Variants in RBFOX1 observed in about 807,000 individuals in gnomAD.
The protein encoded by RBFOX1 is RNA binding fox-1 homolog 1, also known as RNA binding protein fox-1 homolog 1.
In RBFOX1, 8 loss-of-function variants were observed where a neutral mutation model predicts 57.7. The ratio of observed to expected loss-of-function variants is 0.14; its 90% confidence interval spans 0.08 to 0.25. The LOEUF is 0.25. Among genes scored for constraint, RBFOX1 ranks in the 10% least tolerant of loss-of-function variants. The probability of loss-of-function intolerance (pLI) is 1.00; values close to 1 mark genes in which losing one functional copy is unlikely to be tolerated. For synonymous variants in RBFOX1, 326 were observed against 222.4 expected (o/e 1.47, Z -4.15); for missense variants, 611 against 548.5 (o/e 1.11, Z -1.14).
At chr16:5,796,187 A>G (rs547392685) in intron 3 of RBFOX1, among the ~76,000 whole-genome samples, 2 of 152,222 alleles carry the variant, frequency 1.3e-5, no homozygotes, top group African/African-American at 4.8e-5. Flanking sequence ...CCTGATGTCA[A>G]GTGGATCCAC....
At chr16:6,083,119 A>G (rs1484617800) in intron 1 of RBFOX1, among the ~76,000 whole-genome samples, 1 of 152,098 alleles carries the variant, frequency 6.6e-6, no homozygotes, top group African/African-American at 2.4e-5. Context: ...CTCCTGCCTC[A>G]GCGTCCTGAG....
intron 1 of RBFOX1, among the ~76,000 whole-genome samples, chr16:6,258,568 C>G (rs181177099): frequency 6.6e-6 from 1 of 152,328 alleles, no homozygotes; most frequent in African/African-American, 2.4e-5. Flanking sequence ...ATCAGATCAA[C>G]TCCAGGGCAG....
intron 14 of RBFOX1, among the ~76,000 whole-genome samples, chr16:7,697,533 A>G (rs187963696): frequency 1.3e-5 from 2 of 152,270 alleles, no homozygotes; most frequent in Admixed American, 1.3e-4. Context: ...GTATATGTAT[A>G]ATGCATGCAT....
intron 4 of RBFOX1, among the ~76,000 whole-genome samples, chr16:7,363,960 G>A (rs1469095673): frequency 2.0e-5 from 3 of 152,148 alleles, no homozygotes; most frequent in Non-Finnish European, 4.4e-5. Context: ...TTATGGTGAG[G>A]AAAAGAGGAC....
chr16:6,088,639 T>A (rs1473630978), intron 1 of RBFOX1, among the ~76,000 whole-genome samples: 1 of 152,160 alleles, frequency 6.6e-6, no homozygotes, highest in East Asian at 1.9e-4. Context: ...AATGCTTTCC[T>A]TCTGAGCACT....
intron 2 of RBFOX1, among the ~76,000 whole-genome samples, chr16:6,402,094 G>GAA (rs199794236): frequency 4.1e-5 from 4 of 98,408 alleles, no homozygotes; most frequent in South Asian, 3.1e-4. Flanking sequence ...GAAGAAAACA[G>GAA]AAAAAAAAAA....
At chr16:6,014,856 AT>A (rs35940035), upstream of RBFOX1, among the ~76,000 whole-genome samples, 24,079 of 142,694 alleles carry the variant, frequency 0.17, 2,352 homozygotes, top group East Asian at 0.41. Context: ...TGGCTACTTG[AT>A]TTTTTTTTTT....
intron 3 of RBFOX1, among the ~76,000 whole-genome samples, chr16:6,868,457 A>C (rs774231678): frequency 1.3e-5 from 2 of 150,960 alleles, no homozygotes; most frequent in Non-Finnish European, 3.0e-5. Context: ...CATTCAAGCC[A>C]GTGTTTCATA....
At chr16:5,246,019 G>A (rs1596294867) in intron 1 of RBFOX1, among the ~76,000 whole-genome samples, 1 of 152,144 alleles carries the variant, frequency 6.6e-6, no homozygotes. Context: ...CGAGGCCGTC[G>A]GATCACCCAA....
At chr16:6,650,579 C>A (rs1345137492) in intron 2 of RBFOX1, among the ~76,000 whole-genome samples, 1 of 152,166 alleles carries the variant, frequency 6.6e-6, no homozygotes, top group East Asian at 1.9e-4. Flanking sequence ...AAACACCAAG[C>A]ACAGTTCCTG....
At chr16:7,346,197 T>C (rs543386916) in intron 4 of RBFOX1, among the ~76,000 whole-genome samples, 6 of 152,264 alleles carry the variant, frequency 3.9e-5, no homozygotes, top group African/African-American at 1.4e-4. Flanking sequence ...ATGGTGTATA[T>C]GTGCGACATT....
chr16:5,961,036 A>G (rs1175586721), intron 4 of RBFOX1, among the ~76,000 whole-genome samples: 1 of 152,196 alleles, frequency 6.6e-6, no homozygotes, highest in East Asian at 1.9e-4. Context: ...TGAAGGTGAC[A>G]TGGGTGATCC....
intron 4 of RBFOX1, among the ~76,000 whole-genome samples, chr16:7,056,465 G>A (rs1031277987): frequency 4.6e-5 from 7 of 152,186 alleles, no homozygotes; most frequent in East Asian, 1.9e-4. Context: ...TTACCAGCTT[G>A]TTCTAGCATC....
intron 2 of RBFOX1, among the ~76,000 whole-genome samples, chr16:6,522,859 C>T (rs529906754): frequency 2.0e-5 from 3 of 152,214 alleles, no homozygotes; most frequent in African/African-American, 4.8e-5. Flanking sequence ...ACAAACTTCT[C>T]TCTCTAGCCA....
At chr16:6,072,051 A>C (rs1367151160) in intron 1 of RBFOX1, among the ~76,000 whole-genome samples, 1 of 152,236 alleles carries the variant, frequency 6.6e-6, no homozygotes, top group Non-Finnish European at 1.5e-5. Context: ...AGAGGTTTAT[A>C]GACTCACAGC....
At chr16:5,264,634 T>C (rs2062814083) in intron 1 of RBFOX1, among the ~76,000 whole-genome samples, 1 of 152,216 alleles carries the variant, frequency 6.6e-6, no homozygotes, top group African/African-American at 2.4e-5. Flanking sequence ...GGTAGAAATT[T>C]GTCATGTATC....
intron 2 of RBFOX1, among the ~76,000 whole-genome samples, chr16:6,638,115 A>G (rs1767952827): frequency 6.6e-6 from 1 of 152,156 alleles, no homozygotes; most frequent in South Asian, 2.1e-4. Context: ...TAGGCCTGCC[A>G]TTGTAAAAGA....
At chr16:7,164,310 G>T (rs1031462778) in intron 4 of RBFOX1, among the ~76,000 whole-genome samples, 2 of 152,036 alleles carry the variant, frequency 1.3e-5, no homozygotes, top group Non-Finnish European at 2.9e-5. Flanking sequence ...CCTTTTTATG[G>T]CTGAATAGTA....
chr16:7,220,713 C>T (rs1036035643), intron 4 of RBFOX1, among the ~76,000 whole-genome samples: 2 of 151,972 alleles, frequency 1.3e-5, no homozygotes, highest in African/African-American at 4.8e-5. Flanking sequence ...GAACTTGCCA[C>T]AGGATCATCT....
Sources: allele counts gnomAD v4.1 joint callset (sites outside exome capture counted in the v4.1 genomes callset), GRCh38; gene constraint gnomAD v4.1.1; transcripts MANE v1.5; gene names NCBI Gene and HGNC (gene_info 2026-07-23, HGNC 2026-07-21).